HECW2: variants seen among roughly 807,000 people sequenced by gnomAD.
HECW2 encodes HECT, C2 and WW domain containing E3 ubiquitin protein ligase 2.
A neutral mutation model predicts 175.2 loss-of-function variants in HECW2; 61 were observed. The observed-to-expected ratio is 0.35, with a 90% CI of 0.28 to 0.43. The LOEUF is 0.43. Ranked by LOEUF, HECW2 falls within the 20% of genes least tolerant of loss-of-function variation. The pLI, the probability that HECW2 is intolerant of heterozygous loss-of-function variation, is 1.00. For synonymous variants in HECW2, 671 were observed against 731.0 expected, an observed-to-expected ratio of 0.92 and a Z score of 1.32; for missense variants, 1,524 against 2,000.5, an observed-to-expected ratio of 0.76 and a Z score of 4.54.
intron 1 of HECW2, among the ~76,000 whole-genome samples, chr2:196,592,306 C>T (rs1691227901): frequency 1.3e-5 from 2 of 152,100 alleles, no homozygotes; most frequent in South Asian, 4.1e-4. Flanking sequence ...TCGATTGAAC[C>T]CTTGTAACTC....
chr2:196,263,031 T>TG (rs1689367159), intron 17 of HECW2: 1 of 151,864 alleles, frequency 6.6e-6, no homozygotes, highest in Non-Finnish European at 1.5e-5. Context: ...TCTTTTTTTT[T>TG]TCTTTTTTTC....
At chr2:196,210,278 GTA>G (rs113456997) in intron 28 of HECW2, among the ~76,000 whole-genome samples, 1,909 of 85,680 alleles carry the variant, frequency 0.022, 39 homozygotes, top group African/African-American at 0.067. Flanking sequence ...GTGTGTGTGT[GTA>G]TGTGTGTGTC....
intron 2 of HECW2, among the ~76,000 whole-genome samples, chr2:196,420,318 TCAGC>T (rs932426569): frequency 1.3e-5 from 2 of 152,332 alleles, no homozygotes; most frequent in Non-Finnish European, 2.9e-5. Flanking sequence ...AACAATAATG[TCAGC>T]CAGATTGTGG....
At chr2:196,273,798 G>A (rs577038479) in intron 16 of HECW2, among the ~76,000 whole-genome samples, 4 of 152,118 alleles carry the variant, frequency 2.6e-5, no homozygotes, top group Non-Finnish European at 4.4e-5. Context: ...GAAAGGTAGG[G>A]TGGTATTAAA....
At chr2:196,308,727 AAGTGTGTT>A (rs1456037862) in intron 10 of HECW2, among the ~76,000 whole-genome samples, 16 of 152,330 alleles carry the variant, frequency 1.1e-4, no homozygotes, top group African/African-American at 2.4e-4. Flanking sequence ...TTTTATTTTT[AAGTGTGTT>A]AAATCTTTCT....
intron 2 of HECW2, among the ~76,000 whole-genome samples, chr2:196,350,129 C>T (rs756102324): frequency 6.6e-6 from 1 of 152,028 alleles, no homozygotes; most frequent in Admixed American, 6.6e-5. Context: ...TTTGGGAGGC[C>T]GAGGCAGGCA....
chr2:196,261,191 C>A (rs1689277452), intron 17 of HECW2, among the ~76,000 whole-genome samples: 1 of 152,142 alleles, frequency 6.6e-6, no homozygotes. Flanking sequence ...TATTAACTTG[C>A]ATCATGAAAA....
chr2:196,362,027 G>A, intron 2 of HECW2: 1 of 985,326 alleles, frequency 1.0e-6, no homozygotes, highest in Non-Finnish European at 1.2e-6. Context: ...GGATGCTCCT[G>A]CTTCTCTTCC....
At chr2:196,232,147 G>A (rs6434833) in intron 21 of HECW2, among the ~76,000 whole-genome samples, 148,361 of 152,274 alleles carry the variant, frequency 0.97, 72,406 homozygotes, top group East Asian at 1. Flanking sequence ...GGATAAGGTC[G>A]GAGACAGCTG....
intron 2 of HECW2, among the ~76,000 whole-genome samples, chr2:196,427,929 C>T (rs1695595045): frequency 6.6e-6 from 1 of 152,106 alleles, no homozygotes; most frequent in East Asian, 1.9e-4. Context: ...CTATTTACTG[C>T]CTAAAAATGC....
chr2:196,537,558 G>T (rs996081181), intron 1 of HECW2, among the ~76,000 whole-genome samples: 7 of 152,106 alleles, frequency 4.6e-5, no homozygotes, highest in Non-Finnish European at 8.8e-5. Context: ...GAGAAGCTGA[G>T]GTGTGGCTGA....
intron 1 of HECW2, among the ~76,000 whole-genome samples, chr2:196,484,462 C>A (rs761655801): frequency 1.2e-4 from 18 of 152,184 alleles, no homozygotes. Flanking sequence ...CTGCCCAGCA[C>A]ACCCTGAACC....
intron 1 of HECW2, among the ~76,000 whole-genome samples, chr2:196,458,956 G>T (rs563932241): frequency 2.1e-4 from 32 of 152,244 alleles, no homozygotes; most frequent in South Asian, 6.2e-4. Context: ...GTTTATTAAG[G>T]ATTTATTATA....
In HECW2 at chr2:196,433,403, C is replaced by T. The variant is rs751728209; in HGVS notation, c.21G>A (p.Glu7=). Residue 7 remains glutamate (E), a synonymous_variant, in exon 2 of 29, where the codon GAG becomes GAA. Coordinates refer to ENST00000644978, the MANE Select transcript of HECW2 (RefSeq NM_001348768.2). ...TTCGACGCCTCACAAAAAGCAGGTGCTCCCGGGCTGAACTAGCCATCCCGT... is the reference window on the plus strand; with the variant it reads ...TTCGACGCCTCACAAAAAGCAGGTGTTCCCGGGCTGAACTAGCCATCCCGT... The part of the protein sequence containing the change: MASSAR[E]HLLFVRRRNP... 4.3e-6 allele frequency: 7 copies of T among 1,613,820 alleles called. No individual in the cohort carries two copies. The South Asian group carries it at 7.7e-5, about 18-fold the overall frequency.
intron 2 of HECW2, among the ~76,000 whole-genome samples, chr2:196,422,640 G>A (rs758154644): frequency 1.6e-4 from 25 of 151,960 alleles, no homozygotes; most frequent in Admixed American, 1.5e-3. Context: ...AGGATTTAGG[G>A]TTAGTAAATT....
chr2:196,541,704 A>G (rs1689220799), intron 1 of HECW2, among the ~76,000 whole-genome samples: 1 of 151,644 alleles, frequency 6.6e-6, no homozygotes, highest in African/African-American at 2.4e-5. Context: ...GTTACATTTA[A>G]AGATCCCTAT....
intron 13 of HECW2, among the ~76,000 whole-genome samples, chr2:196,298,070 A>T (rs1244300099): frequency 6.6e-6 from 1 of 152,248 alleles, no homozygotes; most frequent in Non-Finnish European, 1.5e-5. Context: ...AAGTACTAAG[A>T]AACTTAAACG....
chr2:196,405,003 T>TTA lies in HECW2; in HGVS notation c.292+28128_292+28129insTA. ...CCACTCCCGGCAAATTTTTTTTTTT[T>TTA]TGTATTTTTAGTAGAGATGGGGTTT... On this transcript the variant is annotated intron_variant, in intron 2 of 28. Coordinates refer to ENST00000644978, the MANE Select transcript of HECW2 (RefSeq NM_001348768.2). Among the ~76,000 whole-genome samples, 4 of 150,320 alleles carry TTA rather than the reference T, an allele frequency of 2.7e-5. No homozygotes were observed. The Middle Eastern group carries it at 0.014, about 511-fold the overall frequency.
At chr2:196,382,665 C>T (rs553644639) in intron 2 of HECW2, among the ~76,000 whole-genome samples, 10 of 152,244 alleles carry the variant, frequency 6.6e-5, no homozygotes, top group African/African-American at 2.4e-4. Context: ...TATTCTCTGT[C>T]TTGTAGCAAT....
Sources: allele counts gnomAD v4.1 joint callset (sites outside exome capture counted in the v4.1 genomes callset), GRCh38; gene constraint gnomAD v4.1.1; transcripts MANE v1.5; gene names NCBI Gene and HGNC (gene_info 2026-07-23, HGNC 2026-07-21).